CYTH2: variants seen among roughly 807,000 people sequenced by gnomAD.
CYTH2 encodes the protein cytohesin 2, also known as cytohesin-2.
Under a neutral mutation model 55.4 loss-of-function variants are expected in CYTH2, and 24 were observed. That is an observed-to-expected ratio of 0.43 (90% CI 0.31 to 0.61). The LOEUF (loss-of-function observed/expected upper bound fraction) is 0.61, where lower values mean the gene tolerates loss of function less well. CYTH2 is among the 20% of genes least tolerant of loss of function. The pLI is 0.08. For synonymous variants in CYTH2, 221 were observed against 209.6 expected (o/e 1.05, Z -0.47); for missense variants, 378 against 533.5 (o/e 0.71, Z 2.87).
rs184005593 is a variant in CYTH2, at chr19:48,481,436, T to C, written c.*2226T>C. On this transcript the variant is annotated 3_prime_UTR_variant, in exon 12 of 12. Coordinates refer to ENST00000452733, the MANE Select transcript of CYTH2 (RefSeq NM_004228.7). ...AGGACCTGAGGATTTTGCGTCCGGC[T>C]CCCTCCTCGCCCAGGACCCCCAAGC... is the stretch of plus-strand genomic sequence containing the variant. The C allele has an allele frequency of 8.5e-4, 137 of 162,056 alleles. No homozygotes were observed. The highest frequency in any genetic ancestry group is 1.5e-3 in the Non-Finnish European group (115 of 74,240). The allele number at this position is 162,056 out of a possible 1,614,324, so 10.0% of individuals were successfully genotyped here. A position where few individuals can be genotyped will look rare whatever the true frequency, so the allele number is the denominator to read the frequency against.
chr19:48,478,914 A>G (rs1339155921), intron 11 of CYTH2, among the ~76,000 whole-genome samples: 4 of 59,342 alleles, frequency 6.7e-5, no homozygotes, highest in Admixed American at 2.0e-4. Flanking sequence ...GTGAGGGAGG[A>G]GGGGCCGGGG....
intron 4 of CYTH2, 140 bp downstream of exon 4, chr19:48,472,583 T>G (rs541162200): frequency 4.0e-5 from 31 of 770,890 alleles, no homozygotes; most frequent in African/African-American, 2.7e-4. Context: ...GCCTTCTGAC[T>G]GGACTGTGAC....
intron 1 of CYTH2, 191 bp from the exon 2 acceptor site, chr19:48,470,162 C>G: frequency 1.1e-6 from 1 of 914,230 alleles, no homozygotes; most frequent in South Asian, 1.4e-5. Flanking sequence ...CCTTGTCCCC[C>G]AGGACTCAAG....
At chr19:48,475,184 T>C (rs1453444252) in intron 8 of CYTH2, 2 of 517,474 alleles carry the variant, frequency 3.9e-6, no homozygotes, top group Non-Finnish European at 6.8e-6. Flanking sequence ...CAAATGTTGA[T>C]GGAGCCCTTC....
chr19:48,470,735 G>A (rs1295839855), intron 3 of CYTH2, 66 bp downstream of exon 3: 6 of 1,581,486 alleles, frequency 3.8e-6, no homozygotes, highest in East Asian at 2.2e-5. Flanking sequence ...TGGCACCTCC[G>A]GGTTCCAGAA....
At chr19:48,475,861 G>A (rs113704008) in intron 8 of CYTH2, 10 of 278,820 alleles carry the variant, frequency 3.6e-5, no homozygotes, top group Middle Eastern at 7.1e-4. Flanking sequence ...TGCCACCTGC[G>A]TGTTAGATGT....
rs771977589 is a variant in CYTH2 at position 48,474,152 on chromosome 19, G to A, written c.548-30G>A. Reference sequence around the variant, plus strand: ...GGGGCACTGGGGACTGACATGCCTGGGTCGTCACCACCTGCCCTGTCCGGT... The same window carrying A: ...GGGGCACTGGGGACTGACATGCCTGAGTCGTCACCACCTGCCCTGTCCGGT... On this transcript the variant is annotated intron_variant, in intron 6 of 11. Coordinates refer to ENST00000452733, the MANE Select transcript of CYTH2 (RefSeq NM_004228.7). The surrounding 1 kb of genome is among the most constrained non-coding windows in gnomAD (Gnocchi z 4.9). 6.4e-7 allele frequency: 1 copy of A among 1,561,114 alleles called. No individual in the cohort carries two copies. The highest frequency in any genetic ancestry group is 8.7e-7 in the Non-Finnish European group (1 of 1,152,244).
At chr19:48,469,862 G>A (rs1395609586) in intron 1 of CYTH2, 2 of 567,242 alleles carry the variant, frequency 3.5e-6, no homozygotes, top group Admixed American at 2.5e-5. Flanking sequence ...GTTGCGGGGA[G>A]GGGAGAAATC....
chr19:48,476,073 A>C (rs1282012298), intron 8 of CYTH2: 1 of 514,352 alleles, frequency 1.9e-6, no homozygotes, highest in Admixed American at 2.0e-5. Flanking sequence ...GGGCCTCCCC[A>C]TGTGGAACTG....
At position 48,474,115 on chromosome 19, in the gene CYTH2, T is replaced by C; in HGVS notation, c.548-67T>C. ...GGGGCTGGGAGCTGGGAATCCTGGG[T>C]CCTGGGGAATGGGGGCACTGGGGAC... On this transcript the variant is annotated intron_variant, in intron 6 of 11. Coordinates refer to ENST00000452733, the MANE Select transcript of CYTH2 (RefSeq NM_004228.7). This position sits in a 1 kb window ranked among gnomAD's most constrained non-coding sequence, Gnocchi z 4.9. The C allele has an allele frequency of 2.6e-6, 4 of 1,552,646 alleles. No individual in the cohort carries two copies. In the African/African-American group the frequency reaches 4.1e-5, roughly 16 times the overall value.
chr19:48,473,519 C>T, intron 5 of CYTH2, 141 bp downstream of exon 5: 7 of 821,044 alleles, frequency 8.5e-6, no homozygotes, highest in Non-Finnish European at 1.4e-5. Flanking sequence ...GTGTCCTGCA[C>T]CATAAAAGTT....
At position 48,480,555 on chromosome 19, in the gene CYTH2, G is replaced by A. The variant is rs375911058; in HGVS notation, c.*1345G>A. The stretch of plus-strand genomic sequence containing the variant: ...GCAGGCTGTGCGGCGCCAAAGCCAC[G>A]GTGACCCAGACCCGAGGTTTTTCCG... On this transcript the variant is annotated 3_prime_UTR_variant, in exon 12 of 12. Transcript: ENST00000452733. The A allele has an allele frequency of 1.8e-4, 28 of 152,346 alleles. No homozygotes were observed. In the East Asian group the frequency reaches 5.2e-3, roughly 28 times the overall value. The allele number at this position is 152,346 out of a possible 1,614,324, so 9.4% of individuals were successfully genotyped here.
Position 48,478,350 on chromosome 19 carries a change from A to G in CYTH2, c.957+4A>G, listed in dbSNP as rs1437532270. 6 of 1,614,066 alleles carry G rather than the reference A, an allele frequency of 3.7e-6. No individual in the cohort carries two copies. The South Asian group carries it at 6.6e-5, about 18-fold the overall frequency. The stretch of plus-strand genomic sequence containing the variant: ...GGTGGACGACCCCCGGAAACCGGTA[A>G]GACCCTCTCTGTACACCTTCCTGCC... On this transcript the variant is annotated splice_donor_region_variant and intron_variant, in intron 10 of 11. Coordinates refer to ENST00000452733, the MANE Select transcript of CYTH2 (RefSeq NM_004228.7).
At chr19:48,472,485 C>G (rs1231599458) in intron 4 of CYTH2, 42 bp downstream of exon 4, 1 of 1,486,156 alleles carries the variant, frequency 6.7e-7, no homozygotes, top group Admixed American at 1.9e-5. Flanking sequence ...CTCCCTCCCA[C>G]CCCCCAGACC....
chr19:48,478,545 C>T lies in CYTH2; in HGVS notation c.1065C>T (p.Ile355=), dbSNP rs900643788. 2 of 1,613,840 alleles carry T rather than the reference C, an allele frequency of 1.2e-6. No homozygotes were observed. Among genetic ancestry groups the T allele is most frequent in the African/African-American group, 1.3e-5 (1 of 74,930 alleles). The change falls in exon 11 of 12, where the codon ATC becomes ATT. Residue 355 remains isoleucine (I), a synonymous_variant. Transcript: ENST00000452733. ...AGGGAAACCACATGGTGTACCGGAT[C>T]TCGGCCCCCACGCAGGAGGAGAAGG... ...VVEGNHMVYR[I]SAPTQEEKDE...
chr19:48,473,218 G>A (rs765304930), intron 4 of CYTH2, 80 bp from the exon 5 acceptor site: 67 of 1,508,114 alleles, frequency 4.4e-5, no homozygotes, highest in Non-Finnish European at 5.9e-5. Context: ...GAGGGGGCAC[G>A]ACTTCCCCAG....
intron 3 of CYTH2, among the ~76,000 whole-genome samples, chr19:48,471,363 G>T (rs1971789262): frequency 6.6e-6 from 1 of 152,128 alleles, no homozygotes; most frequent in Non-Finnish European, 1.5e-5. Flanking sequence ...TGTTGGCCAG[G>T]CTGCTTCCAA....
chr19:48,473,385 G>A lies in CYTH2; in HGVS notation c.434+7G>A. 6.2e-7 allele frequency: 1 copy of A among 1,613,986 alleles called. No individual in the cohort carries two copies. The highest frequency in any genetic ancestry group is 8.5e-7 in the Non-Finnish European group (1 of 1,179,884). On this transcript the variant is annotated splice_region_variant and intron_variant, in intron 5 of 11. Transcript: ENST00000452733. ...ATCTGGTGCAGGCCCTCAGGTGAGT[G>A]AGGGGGAGGGGTTTGGAACGCCAGG...
rs200568644 is a variant in CYTH2 at position 48,478,430 on chromosome 19, G to A, written c.958-8G>A. The stretch of plus-strand genomic sequence containing the variant: ...TTCTTACCTGCGCCCTTCCTCTCTC[G>A]TCCCCAGAACTGCTTTGAACTTTAC... On this transcript the variant is annotated splice_region_variant and splice_polypyrimidine_tract_variant and intron_variant, in intron 10 of 11. Coordinates refer to ENST00000452733, the MANE Select transcript of CYTH2 (RefSeq NM_004228.7). The A allele has an allele frequency of 3.2e-5, 51 of 1,613,310 alleles. No individual in the cohort carries two copies. The Middle Eastern group carries it at 5.0e-4, about 16-fold the overall frequency.
Sources: allele counts gnomAD v4.1 joint callset (sites outside exome capture counted in the v4.1 genomes callset), GRCh38; gene constraint gnomAD v4.1.1; non-coding constraint Gnocchi (gnomAD v3.1); transcripts MANE v1.5; gene names NCBI Gene and HGNC (gene_info 2026-07-23, HGNC 2026-07-21).